Variants in ARHGEF18 observed in about 807,000 individuals in gnomAD.
ARHGEF18 encodes rho guanine nucleotide exchange factor 18.
In ARHGEF18, 93 loss-of-function variants were observed where a neutral mutation model predicts 155.7. The ratio of observed to expected loss-of-function variants is 0.60; its 90% confidence interval spans 0.50 to 0.71. ARHGEF18 has a LOEUF of 0.71. Among genes scored for constraint, ARHGEF18 ranks in the 30% least tolerant of loss-of-function variants. ARHGEF18 has a pLI of 0.00. For missense variants in ARHGEF18, 1,593 were observed against 1,816.1 expected (o/e 0.88, Z 2.23); for synonymous variants, 742 against 753.1 (o/e 0.99, Z 0.24).
chr19:7,445,808 A>G (rs1232666941), intron 14 of ARHGEF18, among the ~76,000 whole-genome samples: 10 of 151,852 alleles, frequency 6.6e-5, no homozygotes, highest in Admixed American at 5.9e-4. Flanking sequence ...TTTTTAGTAG[A>G]GACAGGGTTT....
At chr19:7,474,754 A>AGAGTGTGTGTGTGTGTGTGTGTGTGT (rs1555733264), downstream of ARHGEF18, among the ~76,000 whole-genome samples, 21 of 142,036 alleles carry the variant, frequency 1.5e-4, no homozygotes, top group African/African-American at 5.8e-4. Flanking sequence ...TGGGCATTGG[A>AGAGTGTGTGTGTGTGTGTGTGTGTGT]GTGTGTGTGT....
Position 7,458,410 on chromosome 19 carries a change from G to A in ARHGEF18, c.2182-102G>A, listed in dbSNP as rs918538789. On this transcript the variant is annotated intron_variant, in intron 18 of 28. Transcript: ENST00000668164. ...AATTGTTTGAAAAGAAATGAGGAGC[G>A]TGACCCCCACTCTTAGTTCCCCTCA... 40 of 1,057,724 alleles carry A rather than the reference G, an allele frequency of 3.8e-5. 3 individuals carry two copies. In the South Asian group the frequency reaches 6.0e-4, roughly 16 times the overall value. 65.5% of individuals were successfully genotyped at this position (1,057,724 alleles called of 1,614,324 possible).
intron 1 of ARHGEF18, among the ~76,000 whole-genome samples, chr19:7,354,604 C>G (rs1969238488): frequency 6.6e-6 from 1 of 152,100 alleles, no homozygotes; most frequent in African/African-American, 2.4e-5. Context: ...ATACCCCACA[C>G]TTGGGTACAG....
At chr19:7,468,296 G>A (rs1052872002) in intron 26 of ARHGEF18, among the ~76,000 whole-genome samples, 17 of 151,208 alleles carry the variant, frequency 1.1e-4, no homozygotes, top group Non-Finnish European at 2.1e-4. Flanking sequence ...GTGCACCCTA[G>A]CTACTCGGGA....
intron 26 of ARHGEF18, 74 bp from the exon 27 acceptor site, chr19:7,468,751 A>G (rs1976820551): frequency 8.4e-6 from 12 of 1,432,078 alleles, no homozygotes; most frequent in Non-Finnish European, 1.1e-5. Flanking sequence ...TCTCCTGTGC[A>G]CGACCCTCGG....
intron 10 of ARHGEF18, among the ~76,000 whole-genome samples, chr19:7,428,764 CT>C (rs1426512359): frequency 6.6e-6 from 1 of 152,142 alleles, no homozygotes. Flanking sequence ...CAGGTCGAAC[CT>C]TTGGGTGCCC....
chr19:7,425,541 G>A (rs946328871), intron 10 of ARHGEF18, among the ~76,000 whole-genome samples: 1 of 151,462 alleles, frequency 6.6e-6, no homozygotes, highest in African/African-American at 2.4e-5. Flanking sequence ...AATTAGCCAG[G>A]CATGGTGGCG....
At chr19:7,474,765 G>A (rs971224041), downstream of ARHGEF18, among the ~76,000 whole-genome samples, 2 of 151,464 alleles carry the variant, frequency 1.3e-5, no homozygotes, top group African/African-American at 4.9e-5. Context: ...GTGTGTGTGT[G>A]TGTGTGTGTG....
intron 10 of ARHGEF18, among the ~76,000 whole-genome samples, chr19:7,412,295 G>A (rs540444439): frequency 1.4e-5 from 2 of 145,018 alleles, no homozygotes; most frequent in East Asian, 2.2e-4. Context: ...GATTAGAGGC[G>A]TGAGCCACCG....
In ARHGEF18 at chr19:7,470,891, G is replaced by C. The variant is rs1209916008; in HGVS notation, c.*593G>C. 2.5e-6 allele frequency: 1 copy of C among 401,120 alleles called. No homozygotes were observed. The highest frequency in any genetic ancestry group is 4.4e-5 in the Admixed American group (1 of 22,732). 24.8% of individuals were successfully genotyped at this position (401,120 alleles called of 1,614,324 possible). A position where few individuals can be genotyped will look rare whatever the true frequency, so the allele number is the denominator to read the frequency against. On this transcript the variant is annotated 3_prime_UTR_variant, in exon 29 of 29. Coordinates refer to ENST00000668164, the MANE Select transcript of ARHGEF18 (RefSeq NM_001367823.1). The surrounding 1 kb of genome is among the most constrained non-coding windows in gnomAD (Gnocchi z 5.9). The stretch of plus-strand genomic sequence containing the variant: ...AGGGTCAGGGAATGAGCCAGGCACG[G>C]GGGCATGGGCAGAGAGGGCCACGGG...
chr19:7,458,473 G>A, intron 18 of ARHGEF18, 39 bp from the exon 19 acceptor site: 1 of 1,595,314 alleles, frequency 6.3e-7, no homozygotes. Flanking sequence ...GGTGCTGTGG[G>A]GTAAAGGGTG....
intron 18 of ARHGEF18, 29 bp from the exon 19 acceptor site, chr19:7,458,483 G>T: frequency 6.2e-7 from 1 of 1,602,468 alleles, no homozygotes. Context: ...GGTAAAGGGT[G>T]ACCTCCCCAA....
rs145171273 is a variant in ARHGEF18 at position 7,412,440 on chromosome 19, T to G, written c.968-27904T>G. Among the ~76,000 whole-genome samples, 706 of 151,536 alleles carry G rather than the reference T, an allele frequency of 4.7e-3. 10 individuals carry two copies. The highest frequency in any genetic ancestry group is 0.016 in the African/African-American group (675 of 41,312). Reference sequence around the variant, plus strand: ...CTCACCGAGACACTTAATTTTCGGTTTTTTAAATTATACCATTTTAGGCCA... The same window carrying G: ...CTCACCGAGACACTTAATTTTCGGTGTTTTAAATTATACCATTTTAGGCCA... On this transcript the variant is annotated intron_variant, in intron 10 of 28. Coordinates refer to ENST00000668164, the MANE Select transcript of ARHGEF18 (RefSeq NM_001367823.1).
At chr19:7,456,488 G>C (rs1975838651) in intron 18 of ARHGEF18, 85 bp downstream of exon 18, 1 of 1,260,620 alleles carries the variant, frequency 7.9e-7, no homozygotes, top group Non-Finnish European at 1.2e-6. Flanking sequence ...AGGCCGAGGT[G>C]GGCAGATCAC....
intron 10 of ARHGEF18, among the ~76,000 whole-genome samples, chr19:7,385,871 C>CTCT (rs1568285796): frequency 6.0e-5 from 4 of 66,696 alleles, no homozygotes; most frequent in African/African-American, 3.0e-4. Flanking sequence ...CTCTCTCTCT[C>CTCT]CCCCCTCCCT....
At chr19:7,402,111 T>C (rs540295620) in intron 10 of ARHGEF18, among the ~76,000 whole-genome samples, 1 of 152,130 alleles carries the variant, frequency 6.6e-6, no homozygotes, top group East Asian at 1.9e-4. Context: ...CTTTTTGAGG[T>C]GATGAAGGCA....
At chr19:7,403,650 G>A (rs993209366) in intron 10 of ARHGEF18, among the ~76,000 whole-genome samples, 7 of 150,390 alleles carry the variant, frequency 4.7e-5, no homozygotes, top group African/African-American at 1.2e-4. Flanking sequence ...CAATCCTCCC[G>A]CTTTGTCCTC....
intron 15 of ARHGEF18, 53 bp from the exon 16 acceptor site, chr19:7,451,096 C>T: frequency 1.4e-6 from 2 of 1,382,740 alleles, no homozygotes; most frequent in East Asian, 2.6e-5. Flanking sequence ...AATACAGGAT[C>T]TTGCTGTCCG....
chr19:7,434,414 G>C (rs142531570), intron 10 of ARHGEF18, among the ~76,000 whole-genome samples: 4 of 152,302 alleles, frequency 2.6e-5, no homozygotes, highest in African/African-American at 9.6e-5. Flanking sequence ...GGTCAGAACT[G>C]TTTTGATTTT....
Sources: gnomAD v4.1 joint callset for allele counts (sites outside exome capture counted in the v4.1 genomes callset) on GRCh38, gnomAD v4.1.1 for gene constraint, Gnocchi (gnomAD v3.1) non-coding constraint, MANE v1.5 for transcripts, NCBI Gene and HGNC (gene_info 2026-07-23, HGNC 2026-07-21) for gene names.